ZRANB3: variants seen among roughly 807,000 people sequenced by gnomAD.
The protein encoded by ZRANB3 is zinc finger RANBP2-type containing 3.
A neutral mutation model predicts 133.8 loss-of-function variants in ZRANB3; 125 were observed. That is an observed-to-expected ratio of 0.93 (90% CI 0.81 to 1.08). The LOEUF is 1.08. ZRANB3 is among the 50% of genes least tolerant of loss of function. The probability of loss-of-function intolerance (pLI) is 0.00; values close to 1 mark genes in which losing one functional copy is unlikely to be tolerated. For missense variants in ZRANB3, 1,229 were observed against 1,275.5 expected (o/e 0.96, Z 0.56); for synonymous variants, 387 against 432.7 (o/e 0.89, Z 1.31).
intron 19 of ZRANB3, 53 bp from the exon 20 acceptor site, chr2:135,203,016 T>C: frequency 1.9e-6 from 3 of 1,582,010 alleles, no homozygotes; most frequent in Non-Finnish European, 2.6e-6. Context: ...CAAGAAGTGT[T>C]TGTTGGTTTT....
intron 3 of ZRANB3, among the ~76,000 whole-genome samples, chr2:135,365,871 C>A (rs1215819976): frequency 6.6e-6 from 1 of 152,084 alleles, no homozygotes; most frequent in Non-Finnish European, 1.5e-5. Context: ...AAATAAAGAA[C>A]CCTGTATTGA....
intron 15 of ZRANB3, among the ~76,000 whole-genome samples, chr2:135,223,461 G>A (rs1448379284): frequency 2.0e-5 from 3 of 151,356 alleles, no homozygotes; most frequent in Non-Finnish European, 2.9e-5. Flanking sequence ...GAGTAGCTAC[G>A]ATTAAAGGCA....
At chr2:135,297,669 C>T (rs1017660749) in intron 8 of ZRANB3, among the ~76,000 whole-genome samples, 2 of 152,224 alleles carry the variant, frequency 1.3e-5, no homozygotes, top group Admixed American at 1.3e-4. Context: ...CTGCATCGCT[C>T]ACGCTGGGAG....
chr2:135,480,369 G>A (rs1239369832), intron 2 of ZRANB3, among the ~76,000 whole-genome samples: 1 of 152,068 alleles, frequency 6.6e-6, no homozygotes, highest in African/African-American at 2.4e-5. Flanking sequence ...TGAAGAAAAT[G>A]TTTGTTCACT....
intron 12 of ZRANB3, among the ~76,000 whole-genome samples, chr2:135,247,668 G>T (rs1482351114): frequency 6.6e-6 from 1 of 152,122 alleles, no homozygotes; most frequent in African/African-American, 2.4e-5. Flanking sequence ...AGCAGCAACA[G>T]CCTGCAGGCC....
chr2:135,384,817 T>C (rs1358158243), intron 3 of ZRANB3, among the ~76,000 whole-genome samples: 1 of 151,838 alleles, frequency 6.6e-6, no homozygotes, highest in African/African-American at 2.4e-5. Flanking sequence ...AAACTCTCAA[T>C]AAATTGGGTA....
chr2:135,265,508 GA>G (rs1466578169), intron 12 of ZRANB3, 25 bp downstream of exon 12: 1 of 1,555,160 alleles, frequency 6.4e-7, no homozygotes, highest in Middle Eastern at 1.7e-4. Flanking sequence ...AAAAAAAATA[GA>G]AAAGAGTAAG....
At chr2:135,334,266 A>G (rs1352009391) in intron 6 of ZRANB3, among the ~76,000 whole-genome samples, 1 of 152,220 alleles carries the variant, frequency 6.6e-6, no homozygotes, top group Non-Finnish European at 1.5e-5. Context: ...ATGGAGTAGA[A>G]GCACCCCTTA....
At chr2:135,499,218 G>C (rs942232134) in intron 2 of ZRANB3, among the ~76,000 whole-genome samples, 1 of 152,012 alleles carries the variant, frequency 6.6e-6, no homozygotes, top group Admixed American at 6.6e-5. Context: ...CGACACTTAG[G>C]GAAAATAGAA....
chr2:135,382,652 C>A (rs1368700457), intron 3 of ZRANB3, among the ~76,000 whole-genome samples: 1 of 152,178 alleles, frequency 6.6e-6, no homozygotes, highest in African/African-American at 2.4e-5. Flanking sequence ...TCGGCAGAAA[C>A]TCTACAAGCC....
intron 4 of ZRANB3, among the ~76,000 whole-genome samples, chr2:135,351,444 T>C (rs917277663): frequency 6.6e-6 from 1 of 151,932 alleles, no homozygotes; most frequent in Admixed American, 6.6e-5. Flanking sequence ...ATTATTTGTA[T>C]TTTAGCCAGG....
intron 12 of ZRANB3, among the ~76,000 whole-genome samples, chr2:135,263,676 G>T (rs1358401117): frequency 6.6e-6 from 1 of 152,000 alleles, no homozygotes; most frequent in Non-Finnish European, 1.5e-5. Flanking sequence ...AAAGGAGCCA[G>T]TTTAAAGGAG....
intron 2 of ZRANB3, among the ~76,000 whole-genome samples, chr2:135,470,070 A>T (rs1317740905): frequency 1.4e-5 from 2 of 148,036 alleles, no homozygotes; most frequent in African/African-American, 5.0e-5. Context: ...CACGCCTGTA[A>T]TCCCAGCACT....
In ZRANB3 at chr2:135,227,813, A is replaced by G. The variant is rs370607824; in HGVS notation, c.2157T>C (p.Asn719=). ...KEDGLTSQPG[N]EQWKSSDTLP... The stretch of plus-strand genomic sequence containing the variant: ...GCTAGAAATGGAAACAAGACTTACC[A>G]TTACCTGGCTGGGATGTAAGTCCGT... The change falls in exon 14 of 21, where the codon AAT becomes AAC. Residue 719 remains asparagine, a splice_region_variant and synonymous_variant. Coordinates refer to ENST00000264159, the MANE Select transcript of ZRANB3 (RefSeq NM_032143.4). 1.9e-6 allele frequency: 3 copies of G among 1,568,652 alleles called. No homozygotes were observed. Among genetic ancestry groups the G allele is most frequent in the Non-Finnish European group, 2.6e-6 (3 of 1,154,814 alleles).
intron 2 of ZRANB3, among the ~76,000 whole-genome samples, chr2:135,398,784 A>T (rs1170119752): frequency 6.6e-6 from 1 of 152,046 alleles, no homozygotes; most frequent in Non-Finnish European, 1.5e-5. Flanking sequence ...CGGCCTCCCA[A>T]AGTGCTGGGA....
rs571911613 is a variant in ZRANB3, at chr2:135,519,894, A to G, written c.-8+11233T>C. On this transcript the variant is annotated intron_variant, in intron 1 of 20. Transcript: ENST00000264159. Reference sequence around the variant, plus strand: ...TAAATATACATACATCAAAGTTCATACTTCAACAACATTAACCAGAGAGGA... The same window carrying G: ...TAAATATACATACATCAAAGTTCATGCTTCAACAACATTAACCAGAGAGGA... Among the ~76,000 whole-genome samples the G allele has an allele frequency of 8.1e-4, 123 of 152,258 alleles. 1 individual carries two copies. The highest frequency in any genetic ancestry group is 2.6e-3 in the African/African-American group (109 of 41,542).
At chr2:135,425,528 A>T (rs983956892) in intron 2 of ZRANB3, among the ~76,000 whole-genome samples, 1 of 152,198 alleles carries the variant, frequency 6.6e-6, no homozygotes, top group Non-Finnish European at 1.5e-5. Flanking sequence ...CTGTGAGTAG[A>T]TTTTTCCATA....
intron 2 of ZRANB3, among the ~76,000 whole-genome samples, chr2:135,452,923 A>C (rs2105007313): frequency 6.6e-6 from 1 of 152,346 alleles, no homozygotes; most frequent in East Asian, 1.9e-4. Context: ...GCAGTGCCCC[A>C]GTAGGGACAC....
chr2:135,403,676 G>A (rs1574046612), intron 2 of ZRANB3, among the ~76,000 whole-genome samples: 2 of 152,182 alleles, frequency 1.3e-5, no homozygotes, highest in Admixed American at 6.5e-5. Context: ...CCTGACCACC[G>A]AGTAGCCTAA....
Sources: allele counts gnomAD v4.1 joint callset (sites outside exome capture counted in the v4.1 genomes callset), GRCh38; gene constraint gnomAD v4.1.1; transcripts MANE v1.5; gene names NCBI Gene and HGNC (gene_info 2026-07-23, HGNC 2026-07-21).